SMCHD1: variants seen among roughly 807,000 people sequenced by gnomAD.
SMCHD1 encodes structural maintenance of chromosomes flexible hinge domain-containing protein 1.
A neutral mutation model predicts 254.7 loss-of-function variants in SMCHD1; 78 were observed. That is an observed-to-expected ratio of 0.31 (90% CI 0.26 to 0.37). The LOEUF is 0.37. SMCHD1 is among the 10% of genes least tolerant of loss of function. The pLI, the probability that SMCHD1 is intolerant of heterozygous loss-of-function variation, is 1.00. For synonymous variants in SMCHD1, 766 were observed against 794.9 expected (o/e 0.96, Z 0.61); for missense variants, 1,840 against 2,408.1 (o/e 0.76, Z 4.94).
At chr18:2,756,824 T>C (rs2075690002) in intron 34 of SMCHD1, among the ~76,000 whole-genome samples, 1 of 152,214 alleles carries the variant, frequency 6.6e-6, no homozygotes, top group Non-Finnish European at 1.5e-5. Flanking sequence ...CTATTAATTT[T>C]ATCTAAATTT....
Position 2,796,469 on chromosome 18 carries a change from G to T in SMCHD1, c.5941G>T (p.Asp1981Tyr), listed in dbSNP as rs1420450347. 6.2e-7 allele frequency: 1 copy of T among 1,605,804 alleles called. No individual in the cohort carries two copies. The highest frequency in any genetic ancestry group is 1.7e-5 in the Admixed American group (1 of 58,902). ...TCATTCACCAAAGGTTGAGACGACA[G>T]ATTGTCCAGTTCCTCCTAAAAGAAT... Reference protein sequence around the residue: ...LRHSPKVETTDCPVPPKRMRR... With the variant: ...LRHSPKVETTYCPVPPKRMRR... Residue 1981 changes from aspartate to tyrosine, a missense_variant, in exon 47 of 48, where the codon GAT becomes TAT. Transcript: ENST00000320876.
At chr18:2,680,583 C>T (rs1003512326) in intron 5 of SMCHD1, among the ~76,000 whole-genome samples, 1 of 152,170 alleles carries the variant, frequency 6.6e-6, no homozygotes, top group Non-Finnish European at 1.5e-5. Context: ...TAGTGAACCT[C>T]AAGGTAAGCT....
chr18:2,749,395 C>G (rs937495341), intron 30 of SMCHD1, among the ~76,000 whole-genome samples: 1 of 152,094 alleles, frequency 6.6e-6, no homozygotes, highest in African/African-American at 2.4e-5. Context: ...ATGTTTGCTT[C>G]CAGTAGAGTT....
chr18:2,769,471 G>A (rs895171892), intron 37 of SMCHD1, among the ~76,000 whole-genome samples: 1 of 151,982 alleles, frequency 6.6e-6, no homozygotes, highest in Non-Finnish European at 1.5e-5. Flanking sequence ...TTATTGATAC[G>A]ATCATTTGGC....
intron 41 of SMCHD1, among the ~76,000 whole-genome samples, chr18:2,773,307 C>G (rs1333932032): frequency 6.6e-6 from 1 of 152,084 alleles, no homozygotes. Context: ...GTTCTTTGAT[C>G]CTAAGCATAT....
chr18:2,729,922 C>T (rs1187577554), intron 24 of SMCHD1, among the ~76,000 whole-genome samples: 1 of 152,024 alleles, frequency 6.6e-6, no homozygotes, highest in Non-Finnish European at 1.5e-5. Flanking sequence ...CTGTGTTGCC[C>T]AGTCTGATCT....
At chr18:2,742,229 C>A (rs1043652598) in intron 28 of SMCHD1, among the ~76,000 whole-genome samples, 3 of 152,180 alleles carry the variant, frequency 2.0e-5, no homozygotes, top group Non-Finnish European at 4.4e-5. Flanking sequence ...GCTCTTTACT[C>A]TCCAGCCAAG....
At chr18:2,785,504 T>G (rs928528455) in intron 45 of SMCHD1, among the ~76,000 whole-genome samples, 9 of 151,728 alleles carry the variant, frequency 5.9e-5, no homozygotes, top group African/African-American at 9.7e-5. Context: ...AAAAAAAAAT[T>G]AGCTGGGCGT....
At chr18:2,794,187 G>T (rs2076219788) in intron 45 of SMCHD1, among the ~76,000 whole-genome samples, 1 of 152,120 alleles carries the variant, frequency 6.6e-6, no homozygotes, top group Non-Finnish European at 1.5e-5. Flanking sequence ...AGGCCAGTGG[G>T]CTCACTCCTG....
At chr18:2,739,643 T>C in intron 27 of SMCHD1, 123 bp downstream of exon 27, 3 of 655,496 alleles carry the variant, frequency 4.6e-6, no homozygotes, top group Non-Finnish European at 7.8e-6. Context: ...GTTACTGATA[T>C]AAAATCTATT....
At chr18:2,776,401 T>A (rs1331830035) in intron 42 of SMCHD1, among the ~76,000 whole-genome samples, 1 of 151,632 alleles carries the variant, frequency 6.6e-6, no homozygotes, top group African/African-American at 2.4e-5. Flanking sequence ...TTTTTTTTTT[T>A]AATTGCTATA....
chr18:2,740,346 G>A (rs1044733353), intron 27 of SMCHD1, among the ~76,000 whole-genome samples: 1 of 151,794 alleles, frequency 6.6e-6, no homozygotes, highest in African/African-American at 2.4e-5. Context: ...ATGGGCATTT[G>A]GGTTAAAAAA....
chr18:2,663,669 A>G (rs2073356889), intron 1 of SMCHD1, among the ~76,000 whole-genome samples: 1 of 151,606 alleles, frequency 6.6e-6, no homozygotes, highest in Non-Finnish European at 1.5e-5. Flanking sequence ...ATCCATATAT[A>G]TGTGGACCTG....
chr18:2,764,412 T>G (rs2075834678), intron 37 of SMCHD1, among the ~76,000 whole-genome samples: 1 of 152,186 alleles, frequency 6.6e-6, no homozygotes, highest in East Asian at 1.9e-4. Context: ...TAATATATTC[T>G]TAGTAAAAGT....
At chr18:2,797,677 C>T (rs1347863744) in intron 47 of SMCHD1, among the ~76,000 whole-genome samples, 1 of 152,176 alleles carries the variant, frequency 6.6e-6, no homozygotes, top group African/African-American at 2.4e-5. Context: ...ATAATCCCAG[C>T]ACTTTGGGAG....
rs763226355 is a variant in SMCHD1, at chr18:2,708,867, CATATATATATATATAT to C, written c.2260+973_2260+988del. Among the ~76,000 whole-genome samples, 8 of 8,298 alleles carry C rather than the reference CATATATATATATATAT, an allele frequency of 9.6e-4. 1 individual carries two copies. Among genetic ancestry groups the C allele is most frequent in the Admixed American group, 1.4e-3 (2 of 1,432 alleles). 5.4% of individuals were successfully genotyped at this position (8,298 alleles called of 152,430 possible). A position where few individuals can be genotyped will look rare whatever the true frequency, so the allele number is the denominator to read the frequency against. On this transcript the variant is annotated intron_variant, in intron 17 of 47. Transcript: ENST00000320876. ...TCCCTGCTTCTATTTTCAATAACTT[CATATATATATATATAT>C]ATATATATATATATATATATATATA...
chr18:2,726,669 A>G lies in SMCHD1; in HGVS notation c.2773+145A>G, dbSNP rs1429790655. 8 of 358,654 alleles carry G rather than the reference A, an allele frequency of 2.2e-5. No homozygotes were observed. In the Admixed American group the frequency reaches 2.7e-4, roughly 12 times the overall value. The allele number at this position is 358,654 out of a possible 1,614,324, so 22.2% of individuals were successfully genotyped here. A position where few individuals can be genotyped will look rare whatever the true frequency, so the allele number is the denominator to read the frequency against. On this transcript the variant is annotated intron_variant, in intron 22 of 47. Transcript: ENST00000320876. ...AATGTCAAACCATAGCACTGACAGA[A>G]ATGACCAGTTTTTAAAAAGGAAAAC...
chr18:2,798,335 T>C lies in SMCHD1; in HGVS notation c.5993+1814T>C, dbSNP rs28507223. Among the ~76,000 whole-genome samples, 1,521 of 152,330 alleles carry C rather than the reference T, an allele frequency of 1.0e-2. 33 individuals are homozygous for C. The highest frequency in any genetic ancestry group is 0.034 in the African/African-American group (1,430 of 41,570). ...ATGGGCATGAGGTGTATACAGACTA[T>C]TAAGCTGATCATTCAAAGTGTGTTG... is the stretch of plus-strand genomic sequence containing the variant. On this transcript the variant is annotated intron_variant, in intron 47 of 47. Coordinates refer to ENST00000320876, the MANE Select transcript of SMCHD1 (RefSeq NM_015295.3).
chr18:2,708,617 C>CT (rs71159004), intron 17 of SMCHD1, among the ~76,000 whole-genome samples: 5 of 142,774 alleles, frequency 3.5e-5, no homozygotes, highest in Admixed American at 1.4e-4. Context: ...GACCTTCCTG[C>CT]TTTTTTTTTT....
Sources: gnomAD v4.1 joint callset for allele counts (sites outside exome capture counted in the v4.1 genomes callset) on GRCh38, gnomAD v4.1.1 for gene constraint, MANE v1.5 for transcripts, NCBI Gene and HGNC (gene_info 2026-07-23, HGNC 2026-07-21) for gene names.